PLCB2: variants seen among roughly 807,000 people sequenced by gnomAD.
PLCB2 encodes phospholipase C beta 2.
PLCB2 carries 115 observed loss-of-function variants against 141.7 expected under a neutral mutation model. The ratio of observed to expected loss-of-function variants is 0.81; its 90% CI spans 0.70 to 0.95. PLCB2 has a LOEUF of 0.95. Among genes scored for constraint, PLCB2 ranks in the 40% least tolerant of loss-of-function variants. The probability of loss-of-function intolerance (pLI) is 0.00; values close to 1 mark genes in which losing one functional copy is unlikely to be tolerated. For missense variants in PLCB2, 1,403 were observed against 1,541.1 expected (o/e 0.91, Z 1.50); for synonymous variants, 603 against 595.6 (o/e 1.01, Z -0.18).
rs1229916507 is a variant in PLCB2, at chr15:40,288,543, G to A, written c.*172C>T. ...AGAGGCCCTGCCGTGAGGGTGCCTG[G>A]GTCCTGTCTCAGACTCTGGCCTGGC... On this transcript the variant is annotated 3_prime_UTR_variant, in exon 32 of 32. Transcript: ENST00000260402. 2 of 1,335,906 alleles carry A rather than the reference G, an allele frequency of 1.5e-6. No homozygotes were observed. The allele number at this position is 1,335,906 out of a possible 1,614,324, so 82.8% of individuals were successfully genotyped here.
chr15:40,286,974 C>G (rs765203321), downstream of PLCB2, among the ~76,000 whole-genome samples: 1 of 152,230 alleles, frequency 6.6e-6, no homozygotes, highest in Non-Finnish European at 1.5e-5. Flanking sequence ...CCTGTACAGT[C>G]ATCAGCAAAA....
intron 24 of PLCB2, 84 bp from the exon 25 acceptor site, chr15:40,291,734 T>G: frequency 6.2e-7 from 1 of 1,601,910 alleles, no homozygotes; most frequent in Non-Finnish European, 8.5e-7. Flanking sequence ...CCCCTGGGAG[T>G]CGCAGTATGT....
chr15:40,293,341 G>A (rs1481665517), intron 20 of PLCB2, among the ~76,000 whole-genome samples: 1 of 152,032 alleles, frequency 6.6e-6, no homozygotes, highest in Non-Finnish European at 1.5e-5. Context: ...TCAACCCTGA[G>A]TGCACATTTC....
At chr15:40,290,153 G>T in intron 29 of PLCB2, 71 bp from the exon 30 acceptor site, 2 of 964,358 alleles carry the variant, frequency 2.1e-6, no homozygotes, top group Non-Finnish European at 3.4e-6. Context: ...TGAAGTCTAC[G>T]CAGGATGTAG....
rs749544916 is a variant in PLCB2 at position 40,298,795 on chromosome 15, C to T, written c.850+3G>A. The T allele has an allele frequency of 7.4e-6, 12 of 1,612,164 alleles. No individual in the cohort carries two copies. The highest frequency in any genetic ancestry group is 1.0e-5 in the Non-Finnish European group (12 of 1,178,790). ...GGGGACAAGGGGTTCCCTTAGTCCT[C>T]ACCCCTCTGTGCATTGATGCCACTG... On this transcript the variant is annotated splice_donor_region_variant and intron_variant, in intron 9 of 31. Transcript: ENST00000260402.
chr15:40,287,221 C>T (rs1315695947), downstream of PLCB2, among the ~76,000 whole-genome samples: 2 of 152,146 alleles, frequency 1.3e-5, no homozygotes, highest in Non-Finnish European at 2.9e-5. Context: ...ATGATCAGCC[C>T]CCTCACCTCA....
At chr15:40,289,813 T>C (rs2039757328) in intron 30 of PLCB2, among the ~76,000 whole-genome samples, 1 of 152,018 alleles carries the variant, frequency 6.6e-6, no homozygotes, top group Admixed American at 6.6e-5. Context: ...CCAACCTCCA[T>C]ACACAGGCCA....
chr15:40,305,245 G>GTAT (rs2040737477), intron 1 of PLCB2, among the ~76,000 whole-genome samples: 1 of 147,010 alleles, frequency 6.8e-6, no homozygotes, highest in Admixed American at 7.0e-5. Flanking sequence ...TTGTTACATA[G>GTAT]TATACATGTG....
chr15:40,291,312 GC>G lies in PLCB2; in HGVS notation c.2822del (p.Gly941AlafsTer43). 2 of 1,543,112 alleles carry G rather than the reference GC, an allele frequency of 1.3e-6. No homozygotes were observed. Among genetic ancestry groups the G allele is most frequent in the Non-Finnish European group, 1.7e-6 (2 of 1,153,078 alleles). On this transcript the variant is annotated frameshift_variant, in exon 26 of 32. Transcript: ENST00000260402. LOFTEE classifies it high-confidence loss of function. ...LAELGPPGVG[G>X]VGACKLGPGK... ...CGGGACCGAGCTTGCAGGCCCCGAC[GC>G]CCCCCACGCCCGGTGGCCCGAGCTC...
rs1273848273 is a variant in PLCB2 at position 40,298,709 on chromosome 15, C to T, written c.851-1G>A. On this transcript the variant is annotated splice_acceptor_variant, in intron 9 of 31. Coordinates refer to ENST00000260402, the MANE Select transcript of PLCB2 (RefSeq NM_004573.3). LOFTEE classifies it high-confidence loss of function. Reference sequence around the variant, plus strand: ...ACCATGCCTTCAGGTGACAGCTGGCCTGGGGGACAGGAGATAGCTGTCAGG... The same window carrying T: ...ACCATGCCTTCAGGTGACAGCTGGCTTGGGGGACAGGAGATAGCTGTCAGG... The T allele has an allele frequency of 1.2e-6, 2 of 1,614,086 alleles. No homozygotes were observed. Among genetic ancestry groups the T allele is most frequent in the Admixed American group, 3.3e-5 (2 of 60,016 alleles).
At chr15:40,293,520 G>A in intron 20 of PLCB2, 40 bp downstream of exon 20, 1 of 1,599,118 alleles carries the variant, frequency 6.3e-7, no homozygotes. Context: ...TAGAGGCCAA[G>A]AACTAGACAG....
At position 40,295,410 on chromosome 15, in the gene PLCB2, G is replaced by T. The variant is rs2141090386; in HGVS notation, c.1697-125C>A. On this transcript the variant is annotated intron_variant, in intron 16 of 31. Transcript: ENST00000260402. ...GCCTCCACCCCAGCATTTCCACTGA[G>T]ACCTGAGGTTTAGGGACCAACCTCT... 4 of 685,048 alleles carry T rather than the reference G, an allele frequency of 5.8e-6. No individual in the cohort carries two copies. The East Asian group carries it at 1.1e-4, about 18-fold the overall frequency. The allele number at this position is 685,048 out of a possible 1,614,324, so 42.4% of individuals were successfully genotyped here.
Position 40,294,316 on chromosome 15 carries a change from A to G in PLCB2, c.2011T>C (p.Phe671Leu). The change falls in exon 19 of 32, where the codon TTC becomes CTC. Residue 671 changes from phenylalanine to leucine, a missense_variant. Around this residue, in one of 4 missense-constraint regions of PLCB2, gnomAD observed 975 missense variants for 1,141.1 expected, o/e 0.85. Transcript: ENST00000260402. ...ACCACGTCGATGCGGTCCACTGAGA[A>G]GGGGTTGAACTGCTTGTCCGGCCGG... Reference protein sequence around the residue: ...MRRPDKQFNPFSVDRIDVVVA... With the variant: ...MRRPDKQFNPLSVDRIDVVVA... 3.1e-6 allele frequency: 5 copies of G among 1,614,052 alleles called. No homozygotes were observed. Among genetic ancestry groups the G allele is most frequent in the Non-Finnish European group, 4.2e-6 (5 of 1,180,012 alleles).
chr15:40,292,389 G>T lies in PLCB2; in HGVS notation c.2381C>A (p.Ala794Glu). ...CTTCATCTCCAGGAAGATGAAGAGC[G>T]CAGGCATGGTGAGGGGCATGTTGCT... The part of the protein sequence containing the change: ...SESNMPLTMP[A>E]LFIFLEMKDY... Residue 794 changes from alanine to glutamate, a missense_variant, in exon 22 of 32, where the codon GCG (alanine) becomes GAG (glutamate). This residue lies in a region of PLCB2 where 975 missense variants were observed against 1,141.1 expected (regional missense o/e 0.85). Coordinates refer to ENST00000260402, the MANE Select transcript of PLCB2 (RefSeq NM_004573.3). 1 of 1,613,876 alleles carries T rather than the reference G, an allele frequency of 6.2e-7. No homozygotes were observed. The highest frequency in any genetic ancestry group is 1.3e-5 in the African/African-American group (1 of 75,056).
In PLCB2 at chr15:40,302,475, C is replaced by A. The variant is rs898027459; in HGVS notation, c.366G>T (p.Val122=). 3.7e-6 allele frequency: 6 copies of A among 1,614,076 alleles called. No homozygotes were observed. Among genetic ancestry groups the A allele is most frequent in the Non-Finnish European group, 5.1e-6 (6 of 1,179,988 alleles). Residue 122 remains valine, a synonymous_variant, in exon 4 of 32, where the codon GTG becomes GTT. Transcript: ENST00000260402. ...CCAGTGCTCCCTGGCACACCTTGCC[C>A]ACGTTCTCCTTGTAGGAGACGAAGT... ...FHNFVSYKEN[V]GKAWAEDVLA...
At position 40,288,917 on chromosome 15, in the gene PLCB2, A is replaced by G; in HGVS notation, c.3356T>C (p.Phe1119Ser). Residue 1119 changes from phenylalanine (F) to serine (S), a missense_variant and splice_region_variant, in exon 32 of 32, where the codon TTC (phenylalanine) becomes TCC (serine). This residue lies in a region of PLCB2 where 132 missense variants were observed against 132.4 expected (regional missense o/e 1.00). Coordinates refer to ENST00000260402, the MANE Select transcript of PLCB2 (RefSeq NM_004573.3). ...LEQIREMEKQFQKEALAEYEA... is the reference protein window; with the variant it reads ...LEQIREMEKQSQKEALAEYEA... ...GTACTCTGCCAGCGCCTCCTTCTGG[A>G]ACTGTGGAGACAGCAAGGACCCCTG... is the stretch of plus-strand genomic sequence containing the variant. The G allele has an allele frequency of 6.2e-7, 1 of 1,612,516 alleles. No individual in the cohort carries two copies. The highest frequency in any genetic ancestry group is 8.5e-7 in the Non-Finnish European group (1 of 1,179,858).
chr15:40,303,395 G>A lies in PLCB2; in HGVS notation c.163-39C>T, dbSNP rs201044179. 3.8e-3 allele frequency: 5,495 copies of A among 1,461,590 alleles called. 16 individuals carry two copies. The highest frequency in any genetic ancestry group is 4.9e-3 in the Non-Finnish European group (5,101 of 1,042,432). The allele number at this position is 1,461,590 out of a possible 1,614,324, so 90.5% of individuals were successfully genotyped here. On this transcript the variant is annotated intron_variant, in intron 2 of 31. Coordinates refer to ENST00000260402, the MANE Select transcript of PLCB2 (RefSeq NM_004573.3). Reference sequence around the variant, plus strand: ...GCGGATCCCGGTGGGAGCAAAGAAGGGATGTGGGACAAAAAGTCCAGGTCA... The same window carrying A: ...GCGGATCCCGGTGGGAGCAAAGAAGAGATGTGGGACAAAAAGTCCAGGTCA...
At chr15:40,301,268 A>G in intron 7 of PLCB2, 1 of 426,494 alleles carries the variant, frequency 2.3e-6, no homozygotes, top group Non-Finnish European at 4.2e-6. Context: ...TCCATGGGGT[A>G]TAGGCTGGGA....
intron 30 of PLCB2, 89 bp downstream of exon 30, chr15:40,289,935 GA>G: frequency 4.9e-5 from 1 of 20,288 alleles, no homozygotes. Flanking sequence ...TGAAGAGAGA[GA>G]GAGAGAGAGA....
Sources: allele counts gnomAD v4.1 joint callset (sites outside exome capture counted in the v4.1 genomes callset), GRCh38; gene constraint gnomAD v4.1.1; regional missense constraint gnomAD v4.1.1; transcripts MANE v1.5; gene names NCBI Gene and HGNC (gene_info 2026-07-23, HGNC 2026-07-21).